The following KIAA0513 variants were observed in gnomAD, a reference collection of about 807,000 sequenced individuals.
The protein encoded by KIAA0513 is KIAA0513.
A neutral mutation model predicts 56.5 loss-of-function variants in KIAA0513; 39 were observed. The ratio of observed to expected loss-of-function variants is 0.69; its 90% CI spans 0.53 to 0.90. KIAA0513 has a LOEUF of 0.90. Ranked by LOEUF, KIAA0513 falls within the 40% of genes least tolerant of loss-of-function variation. The pLI, the probability that KIAA0513 is intolerant of heterozygous loss-of-function variation, is 0.00. For synonymous variants in KIAA0513, 268 were observed against 215.6 expected (o/e 1.24, Z -2.13); for missense variants, 591 against 535.2 (o/e 1.10, Z -1.03).
intron 1 of KIAA0513, among the ~76,000 whole-genome samples, chr16:85,041,297 G>A (rs1597593593): frequency 1.3e-5 from 2 of 152,128 alleles, no homozygotes; most frequent in Non-Finnish European, 1.5e-5. Context: ...TCCTCTGTCC[G>A]GAATATCTTC....
chr16:85,086,617 C>T lies in KIAA0513; in HGVS notation c.1011-27C>T, dbSNP rs752971082. Reference sequence around the variant, plus strand: ...GGCAAGGACAGCACCATCTGAGCCCCGCTTCTGTCACCTCCTGTGCTTGCA... The same window carrying T: ...GGCAAGGACAGCACCATCTGAGCCCTGCTTCTGTCACCTCCTGTGCTTGCA... On this transcript the variant is annotated intron_variant, in intron 10 of 12. Coordinates refer to ENST00000683363, the MANE Select transcript of KIAA0513 (RefSeq NM_001388359.1). The T allele has an allele frequency of 6.5e-5, 105 of 1,607,776 alleles. No homozygotes were observed. The Admixed American group carries it at 6.7e-4, about 10-fold the overall frequency.
intron 1 of KIAA0513, among the ~76,000 whole-genome samples, chr16:85,047,431 G>T (rs902798854): frequency 1.3e-5 from 2 of 152,204 alleles, no homozygotes; most frequent in Non-Finnish European, 2.9e-5. Flanking sequence ...CAGGGCTTCA[G>T]TTATCAGCTC....
intron 10 of KIAA0513, 82 bp from the exon 11 acceptor site, chr16:85,086,561 AC>A: frequency 7.4e-7 from 1 of 1,348,838 alleles, no homozygotes; most frequent in South Asian, 1.2e-5. Flanking sequence ...TGCCGCCAGC[AC>A]CTGCGGGTCA....
Position 85,086,669 on chromosome 16 carries a change from G to C in KIAA0513, c.1036G>C (p.Glu346Gln). The C allele has an allele frequency of 6.2e-7, 1 of 1,613,916 alleles. No homozygotes were observed. Among genetic ancestry groups the C allele is most frequent in the Non-Finnish European group, 8.5e-7 (1 of 1,180,012 alleles). Residue 346 changes from glutamate to glutamine, a missense_variant, in exon 11 of 13, where the codon GAG becomes CAG. Transcript: ENST00000683363. ...KREKWCHMTQ[E>Q]ERDDSLRFNE... is the part of the protein sequence containing the mutation. ...GGAGAAGTGGTGCCACATGACCCAG[G>C]AGGAGCGCGACGACAGCCTCCGGTT...
intron 1 of KIAA0513, among the ~76,000 whole-genome samples, chr16:85,052,427 G>A (rs557054130): frequency 6.6e-6 from 1 of 152,214 alleles, no homozygotes; most frequent in African/African-American, 2.4e-5. Flanking sequence ...CACCAGAATC[G>A]CTTGAACCTG....
At chr16:85,046,732 A>G (rs553814342) in intron 1 of KIAA0513, among the ~76,000 whole-genome samples, 2 of 152,236 alleles carry the variant, frequency 1.3e-5, no homozygotes, top group South Asian at 4.1e-4. Flanking sequence ...GAGCCTATCT[A>G]GTGGGTTTTT....
chr16:85,057,214 C>G (rs1259604379), intron 1 of KIAA0513, among the ~76,000 whole-genome samples: 1 of 152,216 alleles, frequency 6.6e-6, no homozygotes, highest in African/African-American at 2.4e-5. Context: ...TGTACACTTT[C>G]ATGCAGCCGA....
chr16:85,039,620 A>C (rs1283677528), intron 1 of KIAA0513, among the ~76,000 whole-genome samples: 1 of 152,104 alleles, frequency 6.6e-6, no homozygotes, highest in Non-Finnish European at 1.5e-5. Context: ...CTACAGACAT[A>C]CGTCACCATG....
At chr16:85,051,522 C>T (rs1193731402) in intron 1 of KIAA0513, among the ~76,000 whole-genome samples, 1 of 152,164 alleles carries the variant, frequency 6.6e-6, no homozygotes, top group African/African-American at 2.4e-5. Context: ...AAAAGGAGAC[C>T]CCAGAGAACT....
rs144011915 is a variant in KIAA0513 at position 85,070,015 on chromosome 16, A to G, written c.330-1768A>G. ...CCCCCTCTCTACAAAAAAAAAAACC[A>G]CAAAAATTAGCCAGGCATGGTGGCA... On this transcript the variant is annotated intron_variant, in intron 2 of 12. Coordinates refer to ENST00000683363, the MANE Select transcript of KIAA0513 (RefSeq NM_001388359.1). Among the ~76,000 whole-genome samples, 44 of 151,014 alleles carry G rather than the reference A, an allele frequency of 2.9e-4. No homozygotes were observed. The East Asian group carries it at 8.6e-3, about 30-fold the overall frequency.
intron 1 of KIAA0513, among the ~76,000 whole-genome samples, chr16:85,065,193 G>C (rs2073461118): frequency 6.6e-6 from 1 of 152,152 alleles, no homozygotes. Context: ...CTGTTCTTTG[G>C]TGAGTGAGAA....
At chr16:85,038,733 TA>T (rs1212325686) in intron 1 of KIAA0513, among the ~76,000 whole-genome samples, 5 of 134,964 alleles carry the variant, frequency 3.7e-5, no homozygotes, top group African/African-American at 1.4e-4. Context: ...ATAATAATAA[TA>T]ATATCTTTGT....
chr16:85,028,302 A>T (rs1186639779), intron 1 of KIAA0513, among the ~76,000 whole-genome samples: 1 of 152,134 alleles, frequency 6.6e-6, no homozygotes, highest in Non-Finnish European at 1.5e-5. Flanking sequence ...AGAGGGTGCA[A>T]GGACCCCGGG....
At chr16:85,044,830 G>A (rs7195440) in intron 1 of KIAA0513, among the ~76,000 whole-genome samples, 85,969 of 151,712 alleles carry the variant, frequency 0.57, 26,988 homozygotes, top group African/African-American at 0.85. Flanking sequence ...TAAGAAAGAA[G>A]GCATTTGGCC....
intron 1 of KIAA0513, among the ~76,000 whole-genome samples, chr16:85,036,272 C>A (rs1025339223): frequency 6.6e-6 from 1 of 152,140 alleles, no homozygotes; most frequent in Non-Finnish European, 1.5e-5. Flanking sequence ...TTATCATAAT[C>A]TAATTTCAGA....
At position 85,064,838 on chromosome 16, in the gene KIAA0513, C is replaced by G. The variant is rs551659872; in HGVS notation, c.-172-2062C>G. On this transcript the variant is annotated intron_variant, in intron 1 of 12. Coordinates refer to ENST00000683363, the MANE Select transcript of KIAA0513 (RefSeq NM_001388359.1). ...GTAGCTGGATTACAGGCAAGCCCCA[C>G]CATGCCTGGCTAATTTTTGTATTTG... Among the ~76,000 whole-genome samples the G allele has an allele frequency of 3.9e-5, 6 of 152,276 alleles. No homozygotes were observed. The South Asian group carries it at 1.0e-3, about 26-fold the overall frequency.
intron 1 of KIAA0513, among the ~76,000 whole-genome samples, chr16:85,047,234 G>T (rs149171115): frequency 1.3e-5 from 2 of 152,084 alleles, no homozygotes; most frequent in African/African-American, 4.8e-5. Flanking sequence ...GGCATGCTCC[G>T]TCCTAACCTT....
At chr16:85,068,271 C>T (rs1317079782) in intron 2 of KIAA0513, among the ~76,000 whole-genome samples, 1 of 152,120 alleles carries the variant, frequency 6.6e-6, no homozygotes, top group Non-Finnish European at 1.5e-5. Flanking sequence ...ATTCTCCTGC[C>T]TCAGCCTCCC....
chr16:85,059,587 C>G lies in KIAA0513; in HGVS notation c.-172-7313C>G, dbSNP rs962540228. Among the ~76,000 whole-genome samples, 9 of 152,344 alleles carry G rather than the reference C, an allele frequency of 5.9e-5. No individual in the cohort carries two copies. The East Asian group carries it at 1.5e-3, about 26-fold the overall frequency. On this transcript the variant is annotated intron_variant, in intron 1 of 12. Coordinates refer to ENST00000683363, the MANE Select transcript of KIAA0513 (RefSeq NM_001388359.1). ...CCGCACACACCCCTCTTCTCCAGCC[C>G]CACGTTTCTCATCTCTCAACTGGGA... is the stretch of plus-strand genomic sequence containing the variant.
Sources: gnomAD v4.1 joint callset for allele counts (sites outside exome capture counted in the v4.1 genomes callset) on GRCh38, gnomAD v4.1.1 for gene constraint, MANE v1.5 for transcripts, NCBI Gene and HGNC (gene_info 2026-07-23, HGNC 2026-07-21) for gene names.